Variants in SYNE2 observed in about 807,000 individuals in gnomAD.
SYNE2 encodes spectrin repeat containing nuclear envelope protein 2.
A neutral mutation model predicts 856.3 loss-of-function variants in SYNE2; 431 were observed. That is an observed-to-expected ratio of 0.50 (90% CI 0.47 to 0.55). The LOEUF is 0.55. SYNE2 is among the 20% of genes least tolerant of loss of function. SYNE2 has a pLI of 0.00. For missense variants in SYNE2, 8,129 were observed against 8,023.2 expected (o/e 1.01, Z -0.50); for synonymous variants, 2,923 against 2,872.3 (o/e 1.02, Z -0.56).
rs1181289062 is a variant in SYNE2, at chr14:64,141,668, C to T, written c.15159+145C>T. 9 of 951,202 alleles carry T rather than the reference C, an allele frequency of 9.5e-6. No individual in the cohort carries two copies. The Admixed American group carries it at 2.0e-4, about 21-fold the overall frequency. 58.9% of individuals were successfully genotyped at this position (951,202 alleles called of 1,614,324 possible). A position where few individuals can be genotyped will look rare whatever the true frequency, so the allele number is the denominator to read the frequency against. On this transcript the variant is annotated intron_variant, in intron 81 of 115. Transcript: ENST00000555002. ...CTGAATATAAGTCTTAATTACTGGA[C>T]CCTCCTCCAATGGGATTTTTCTTAA...
chr14:63,920,126 T>G (rs888846422), intron 2 of SYNE2, among the ~76,000 whole-genome samples: 8 of 152,116 alleles, frequency 5.3e-5, no homozygotes, highest in African/African-American at 1.9e-4. Flanking sequence ...GTATAAGGAC[T>G]GTGCTGAGCA....
intron 96 of SYNE2, among the ~76,000 whole-genome samples, chr14:64,186,167 A>C (rs544919221): frequency 1.1e-4 from 16 of 152,338 alleles, no homozygotes; most frequent in Admixed American, 1.0e-3. Context: ...AAATAGAATA[A>C]ATTCTATCAA....
chr14:63,816,022 C>T (rs1888973644), intron 1 of SYNE2, among the ~76,000 whole-genome samples: 1 of 143,930 alleles, frequency 6.9e-6, no homozygotes, highest in African/African-American at 2.6e-5. Context: ...AATTTTGGCT[C>T]ACTGCAACCT....
intron 65 of SYNE2, chr14:64,112,921 T>G: frequency 2.5e-6 from 2 of 793,406 alleles, no homozygotes; most frequent in Non-Finnish European, 3.1e-6. Context: ...TCGTGTTCTG[T>G]TTTGTTTTGT....
chr14:63,954,598 A>G (rs2096215799), intron 7 of SYNE2, 121 bp from the exon 8 acceptor site: 2 of 806,602 alleles, frequency 2.5e-6, no homozygotes, highest in Non-Finnish European at 2.0e-6. Context: ...AAAAAATTTT[A>G]TCTAGCATGA....
At position 64,048,123 on chromosome 14, in the gene SYNE2, A is replaced by G. The variant is rs765407266; in HGVS notation, c.7345A>G (p.Met2449Val). 10 of 1,613,372 alleles carry G rather than the reference A, an allele frequency of 6.2e-6. No homozygotes were observed. The African/African-American group carries it at 6.7e-5, about 11-fold the overall frequency. ...AAATCAACCTTTAGAATTAGATACT[A>G]TGTTAAGAAATGAACAATTAGAAGA... ...LQNQPLELDT[M>V]LRNEQLEEIE... The change falls in exon 46 of 116, where the codon ATG becomes GTG. Residue 2449 changes from methionine to valine, a missense_variant. Met to Val is a conservative substitution (Grantham distance 21, BLOSUM62 1). Around this residue, in one of 3 missense-constraint regions of SYNE2, gnomAD observed 5,410 missense variants for 5,284.8 expected, o/e 1.02. Coordinates refer to ENST00000555002, the MANE Select transcript of SYNE2 (RefSeq NM_182914.3).
At chr14:63,767,582 T>G (rs895031648) in intron 1 of SYNE2, among the ~76,000 whole-genome samples, 1 of 152,152 alleles carries the variant, frequency 6.6e-6, no homozygotes, top group African/African-American at 2.4e-5. Flanking sequence ...TGGGCCCTGA[T>G]TCCTACATGG....
intron 99 of SYNE2, among the ~76,000 whole-genome samples, chr14:64,201,857 T>C (rs1037254745): frequency 6.6e-6 from 1 of 152,206 alleles, no homozygotes; most frequent in Non-Finnish European, 1.5e-5. Context: ...GCCATTACTT[T>C]TAAATGTCTG....
intron 45 of SYNE2, among the ~76,000 whole-genome samples, chr14:64,043,433 A>G (rs552717246): frequency 2.0e-5 from 3 of 152,304 alleles, no homozygotes; most frequent in Non-Finnish European, 2.9e-5. Context: ...AATGGGGGAA[A>G]TGTCTCTAGG....
intron 1 of SYNE2, among the ~76,000 whole-genome samples, chr14:63,785,908 C>T (rs34160018): frequency 0.1 from 15,814 of 152,024 alleles, 909 homozygotes; most frequent in African/African-American, 0.15. Flanking sequence ...GAGTTCAAGA[C>T]CAGCCTGGGC....
chr14:64,010,193 T>TTTTTG (rs1011735999), intron 32 of SYNE2, 77 bp downstream of exon 32: 1 of 1,455,332 alleles, frequency 6.9e-7, no homozygotes, highest in African/African-American at 1.4e-5. Flanking sequence ...TATTATAGAT[T>TTTTTG]AAGTCTTTTT....
At chr14:63,850,245 C>CTTTTT (rs34763098), upstream of SYNE2, among the ~76,000 whole-genome samples, 2 of 112,510 alleles carry the variant, frequency 1.8e-5, no homozygotes, top group African/African-American at 3.5e-5. Context: ...CCACACCTAG[C>CTTTTT]TTTTTTTTTT....
rs375081583 is a variant in SYNE2, at chr14:64,142,256, G to A, written c.15306+168G>A. On this transcript the variant is annotated intron_variant, in intron 82 of 115. Coordinates refer to ENST00000555002, the MANE Select transcript of SYNE2 (RefSeq NM_182914.3). ...GAGAGATGTTAGTAGACTTGCTTTT[G>A]TTCCACTTAAATTCCTTTTGCCAGC... Among the ~76,000 whole-genome samples, 27 of 152,240 alleles carry A rather than the reference G, an allele frequency of 1.8e-4. 1 individual carries two copies. The highest frequency in any genetic ancestry group is 3.4e-3 in the Middle Eastern group (1 of 294).
chr14:64,214,363 C>T lies in SYNE2; in HGVS notation c.19226C>T (p.Pro6409Leu). Residue 6409 changes from proline (P) to leucine (L), a missense_variant, in exon 106 of 116, where the codon CCT becomes CTT. Coordinates refer to ENST00000555002, the MANE Select transcript of SYNE2 (RefSeq NM_182914.3). ...PGHERSGCET[P>L]VSVDSIPLEW... ...CACGAGCGGTCTGGCTGCGAGACCC[C>T]TGTCAGCGTGGACTCCATCCCCCTG... is the stretch of plus-strand genomic sequence containing the variant. 1.2e-6 allele frequency: 2 copies of T among 1,614,162 alleles called. No individual in the cohort carries two copies. Among genetic ancestry groups the T allele is most frequent in the East Asian group, 2.2e-5 (1 of 44,882 alleles).
chr14:63,798,250 A>G (rs529585317), intron 1 of SYNE2, among the ~76,000 whole-genome samples: 2 of 151,988 alleles, frequency 1.3e-5, no homozygotes, highest in African/African-American at 2.4e-5. Context: ...AGGTCTCACT[A>G]TGTTGCCCAG....
In SYNE2 at chr14:64,137,840, C is replaced by T. The variant is rs372676140; in HGVS notation, c.14700C>T (p.Asn4900=). 2.4e-5 allele frequency: 38 copies of T among 1,614,010 alleles called. No individual in the cohort carries two copies. Among genetic ancestry groups the T allele is most frequent in the African/African-American group, 4.0e-5 (3 of 74,904 alleles). The change falls in exon 79 of 116, where the codon AAC becomes AAT. Residue 4900 remains asparagine (N), a synonymous_variant. Coordinates refer to ENST00000555002, the MANE Select transcript of SYNE2 (RefSeq NM_182914.3). ...GKHARLYQTL[N]EGKQLVASVS... ...ACGCCCGGCTTTACCAAACTCTGAA[C>T]GAAGGCAAACAGTTGGTGGCGTCTG... is the stretch of plus-strand genomic sequence containing the variant.
chr14:64,118,915 A>C (rs1398040094), intron 66 of SYNE2, among the ~76,000 whole-genome samples: 1 of 151,960 alleles, frequency 6.6e-6, no homozygotes, highest in Non-Finnish European at 1.5e-5. Flanking sequence ...GAATATCTGC[A>C]CTTTTTAAGC....
rs139410067 is a variant in SYNE2 at position 64,009,471 on chromosome 14, C to T, written c.4578-495C>T. On this transcript the variant is annotated intron_variant, in intron 31 of 115. Coordinates refer to ENST00000555002, the MANE Select transcript of SYNE2 (RefSeq NM_182914.3). ...GAATTGCTTGAATCCAGGAGGCGGA[C>T]GTTGCAGTGAGCCAGGATCACACCA... is the stretch of plus-strand genomic sequence containing the variant. Among the ~76,000 whole-genome samples the T allele has an allele frequency of 7.2e-3, 996 of 137,388 alleles. 18 individuals carry two copies. Among genetic ancestry groups the T allele is most frequent in the African/African-American group, 0.026 (939 of 36,474 alleles). The allele number at this position is 137,388 out of a possible 152,430, so 90.1% of individuals were successfully genotyped here. A position where few individuals can be genotyped will look rare whatever the true frequency, so the allele number is the denominator to read the frequency against.
At chr14:64,023,907 C>A in intron 38 of SYNE2, 1 of 288,694 alleles carries the variant, frequency 3.5e-6, no homozygotes, top group South Asian at 3.7e-5. Flanking sequence ...ATGCCCAAAC[C>A]TTGAAACGTA....
Sources: gnomAD v4.1 joint callset for allele counts (sites outside exome capture counted in the v4.1 genomes callset) on GRCh38, gnomAD v4.1.1 for gene constraint, gnomAD v4.1.1 regional missense constraint, MANE v1.5 for transcripts, NCBI Gene and HGNC (gene_info 2026-07-23, HGNC 2026-07-21) for gene names.